CNTN4: variants seen among roughly 807,000 people sequenced by gnomAD.
The protein encoded by CNTN4 is contactin 4.
In CNTN4, 77 loss-of-function variants were observed where a neutral mutation model predicts 122.5. That is an observed-to-expected ratio of 0.63 (90% CI 0.52 to 0.76). CNTN4 has a LOEUF of 0.76. Ranked by LOEUF, CNTN4 falls within the 30% of genes least tolerant of loss-of-function variation. CNTN4 has a pLI of 0.00. For missense variants in CNTN4, 1,256 were observed against 1,259.1 expected (o/e 1.00, Z 0.04); for synonymous variants, 512 against 447.0 (o/e 1.15, Z -1.83).
intron 3 of CNTN4, among the ~76,000 whole-genome samples, chr3:2,390,511 T>A (rs1367881700): frequency 6.6e-6 from 1 of 152,182 alleles, no homozygotes; most frequent in Non-Finnish European, 1.5e-5. Flanking sequence ...ATAGCATTAA[T>A]GTTTTACTTG....
At chr3:2,912,142 C>T (rs943946667) in intron 12 of CNTN4, among the ~76,000 whole-genome samples, 1 of 152,078 alleles carries the variant, frequency 6.6e-6, no homozygotes, top group Admixed American at 6.5e-5. Context: ...ACATTATAAT[C>T]AAAGTGTCAA....
chr3:2,181,495 G>A (rs759807333), intron 2 of CNTN4, among the ~76,000 whole-genome samples: 8 of 152,082 alleles, frequency 5.3e-5, no homozygotes, highest in Non-Finnish European at 1.0e-4. Context: ...GGAAAACACA[G>A]GGAAGTGAAA....
intron 2 of CNTN4, among the ~76,000 whole-genome samples, chr3:2,121,962 G>C (rs192226673): frequency 6.6e-6 from 1 of 152,070 alleles, no homozygotes; most frequent in South Asian, 2.1e-4. Context: ...TCAGGAGATC[G>C]AGACCACGGT....
chr3:2,523,098 G>A (rs2149166295), intron 3 of CNTN4, among the ~76,000 whole-genome samples: 1 of 152,182 alleles, frequency 6.6e-6, no homozygotes. Flanking sequence ...GGCTAGAATA[G>A]ATGCTATCTC....
intron 6 of CNTN4, among the ~76,000 whole-genome samples, chr3:2,788,927 T>G (rs1486562693): frequency 6.6e-6 from 1 of 152,220 alleles, no homozygotes; most frequent in East Asian, 1.9e-4. Flanking sequence ...ATATCAATCT[T>G]CTAAGAGACA....
intron 4 of CNTN4, among the ~76,000 whole-genome samples, chr3:2,620,061 TG>T (rs769849847): frequency 1.4e-3 from 211 of 152,312 alleles, no homozygotes; most frequent in Admixed American, 2.3e-3. Flanking sequence ...CTGTACAAAC[TG>T]GAGGTAAGCC....
At chr3:2,276,895 G>A (rs2041530345) in intron 2 of CNTN4, among the ~76,000 whole-genome samples, 1 of 152,032 alleles carries the variant, frequency 6.6e-6, no homozygotes, top group Non-Finnish European at 1.5e-5. Flanking sequence ...CAGCCTGGGC[G>A]AGCTACTGCA....
intron 4 of CNTN4, among the ~76,000 whole-genome samples, chr3:2,612,617 G>A (rs1285230304): frequency 6.6e-6 from 1 of 152,116 alleles, no homozygotes; most frequent in Admixed American, 6.6e-5. Context: ...ACTGCTTTTA[G>A]CTGGGTAGAA....
At chr3:2,174,966 C>T (rs1211464138) in intron 2 of CNTN4, among the ~76,000 whole-genome samples, 1 of 152,112 alleles carries the variant, frequency 6.6e-6, no homozygotes, top group Non-Finnish European at 1.5e-5. Flanking sequence ...AGTCACTTCC[C>T]ACCAGGCCCC....
chr3:2,978,041 G>C (rs918616905), intron 13 of CNTN4, among the ~76,000 whole-genome samples: 11 of 152,136 alleles, frequency 7.2e-5, no homozygotes, highest in East Asian at 3.9e-4. Context: ...TGAACCAAAG[G>C]GTTTCTCCCG....
At chr3:2,769,433 C>G (rs182309017) in intron 6 of CNTN4, among the ~76,000 whole-genome samples, 1 of 149,482 alleles carries the variant, frequency 6.7e-6, no homozygotes, top group Non-Finnish European at 1.5e-5. Context: ...CCACTGCACT[C>G]CAGCCTGGGC....
chr3:2,138,007 G>C (rs899826303), intron 2 of CNTN4, among the ~76,000 whole-genome samples: 1 of 151,952 alleles, frequency 6.6e-6, no homozygotes, highest in Non-Finnish European at 1.5e-5. Flanking sequence ...GGGAAAGTAA[G>C]TAGTCGGCTC....
intron 12 of CNTN4, among the ~76,000 whole-genome samples, chr3:2,919,353 G>GAAAAAA (rs200119254): frequency 9.2e-6 from 1 of 108,486 alleles, no homozygotes; most frequent in Non-Finnish European, 1.9e-5. Flanking sequence ...CTCTGTCTCA[G>GAAAAAA]AAAAAAAAAA....
At chr3:3,036,895 G>T (rs964134932) in intron 17 of CNTN4, among the ~76,000 whole-genome samples, 1 of 152,222 alleles carries the variant, frequency 6.6e-6, no homozygotes. Context: ...ATGTGAAGGG[G>T]TGATAGTAAT....
intron 12 of CNTN4, among the ~76,000 whole-genome samples, chr3:2,921,679 G>T (rs73805450): frequency 0.088 from 13,419 of 152,056 alleles, 634 homozygotes; most frequent in Middle Eastern, 0.15. Flanking sequence ...GATAGAACTG[G>T]CATTACACAA....
intron 3 of CNTN4, among the ~76,000 whole-genome samples, chr3:2,409,500 G>A (rs2047158030): frequency 6.6e-6 from 1 of 152,008 alleles, no homozygotes; most frequent in Admixed American, 6.6e-5. Context: ...GCACGCCTCA[G>A]CCTCCCAAAG....
At chr3:2,641,598 T>C (rs1487310845) in intron 4 of CNTN4, among the ~76,000 whole-genome samples, 1 of 152,240 alleles carries the variant, frequency 6.6e-6, no homozygotes, top group Non-Finnish European at 1.5e-5. Flanking sequence ...GTTCAGTGGA[T>C]GTGTTTGTGC....
At position 2,124,472 on chromosome 3, in the gene CNTN4, ACC is replaced by A. The variant is rs75276954; in HGVS notation, c.-145+23837_-145+23838del. On this transcript the variant is annotated intron_variant, in intron 2 of 24. Transcript: ENST00000418658. Reference sequence around the variant, plus strand: ...CACACACACACACACACACACACACACCCCCTTAAGCAAGGTATGCTGGCTCA... The same window carrying A: ...CACACACACACACACACACACACACACCCTTAAGCAAGGTATGCTGGCTCA... Among the ~76,000 whole-genome samples, 461 of 128,100 alleles carry A rather than the reference ACC, an allele frequency of 3.6e-3. 3 individuals are homozygous for A. Among genetic ancestry groups the A allele is most frequent in the East Asian group, 7.1e-3 (23 of 3,248 alleles). 84.0% of individuals were successfully genotyped at this position (128,100 alleles called of 152,430 possible).
intron 2 of CNTN4, among the ~76,000 whole-genome samples, chr3:2,269,045 C>G (rs1377232831): frequency 6.6e-6 from 1 of 152,104 alleles, no homozygotes; most frequent in Non-Finnish European, 1.5e-5. Flanking sequence ...ATGTCTGATG[C>G]ATTAGTTGCA....
Sources: allele counts gnomAD v4.1 joint callset (sites outside exome capture counted in the v4.1 genomes callset), GRCh38; gene constraint gnomAD v4.1.1; transcripts MANE v1.5; gene names NCBI Gene and HGNC (gene_info 2026-07-23, HGNC 2026-07-21).